The following SRGAP3 variants were observed in gnomAD, a reference collection of about 807,000 sequenced individuals.
SRGAP3 encodes the protein SLIT-ROBO Rho GTPase-activating protein 3.
A neutral mutation model predicts 121.1 loss-of-function variants in SRGAP3; 39 were observed. The ratio of observed to expected loss-of-function variants is 0.32; its 90% confidence interval spans 0.25 to 0.42. SRGAP3 has a LOEUF of 0.42. Among genes scored for constraint, SRGAP3 ranks in the 10% least tolerant of loss-of-function variants. The pLI, the probability that SRGAP3 is intolerant of heterozygous loss-of-function variation, is 1.00. For synonymous variants in SRGAP3, 601 were observed against 570.0 expected (o/e 1.05, Z -0.77); for missense variants, 1,213 against 1,470.6 (o/e 0.82, Z 2.86).
At chr3:9,311,967 C>T (rs1197533772) in intron 3 of SRGAP3, among the ~76,000 whole-genome samples, 1 of 152,224 alleles carries the variant, frequency 6.6e-6, no homozygotes, top group African/African-American at 2.4e-5. Context: ...AATGCATCCA[C>T]TTGCCAATGC....
In SRGAP3 at chr3:9,063,444, T is replaced by C. The variant is rs565995283; in HGVS notation, c.672+952A>G. ...ATGCCTGGCCCAGACAATCTTTTCA[T>C]GTACTTATTGGCCACTCATACATGT... On this transcript the variant is annotated intron_variant, in intron 5 of 21. Coordinates refer to ENST00000383836, the MANE Select transcript of SRGAP3 (RefSeq NM_014850.4). 8.1e-4 allele frequency among the ~76,000 whole-genome samples: 124 copies of C among 152,190 alleles called. 1 individual carries two copies. The highest frequency in any genetic ancestry group is 6.8e-3 in the Middle Eastern group (2 of 294).
chr3:9,137,834 TCCA>T (rs1399455369), intron 1 of SRGAP3, among the ~76,000 whole-genome samples: 1 of 152,174 alleles, frequency 6.6e-6, no homozygotes, highest in Non-Finnish European at 1.5e-5. Flanking sequence ...AGAAGCTGCC[TCCA>T]CACCTTCCAG....
chr3:8,988,392 A>G (rs1941848125), intron 21 of SRGAP3, among the ~76,000 whole-genome samples: 1 of 152,246 alleles, frequency 6.6e-6, no homozygotes, highest in Non-Finnish European at 1.5e-5. Flanking sequence ...ATCAGAGCCA[A>G]TGCTGAGGCT....
intron 3 of SRGAP3, among the ~76,000 whole-genome samples, chr3:9,097,000 T>C (rs1560139168): frequency 7.1e-6 from 1 of 141,456 alleles, no homozygotes; most frequent in Admixed American, 7.2e-5. Context: ...CACACATATA[T>C]ATATATTAGA....
At chr3:9,028,062 C>T (rs746841739) in intron 12 of SRGAP3, 13 of 1,613,260 alleles carry the variant, frequency 8.1e-6, no homozygotes, top group Admixed American at 3.3e-5. Context: ...CAGTTTCCAT[C>T]ACGGTGAATG....
At position 9,312,978 on chromosome 3, in the gene SRGAP3, C is replaced by T. The variant is rs183311090; in HGVS notation, n.442+13032G>A. On this transcript the variant is annotated intron_variant and non_coding_transcript_variant, in intron 3 of 3. Coordinates refer to the SRGAP3 transcript ENST00000490889. ...CTGCACTACGGCCTGGGTGACAGAG[C>T]GAGACTTTGTCTCTAAAAATAAATA... Among the ~76,000 whole-genome samples the T allele has an allele frequency of 9.2e-5, 14 of 152,116 alleles. 1 individual carries two copies. In the East Asian group the frequency reaches 2.1e-3, roughly 23 times the overall value.
At chr3:9,042,133 T>C (rs919876094) in intron 10 of SRGAP3, among the ~76,000 whole-genome samples, 1 of 147,430 alleles carries the variant, frequency 6.8e-6, no homozygotes, top group African/African-American at 2.5e-5. Flanking sequence ...GAGAGAGAAA[T>C]AAGTGAGATT....
Position 9,336,032 on chromosome 3 carries a change from T to C in SRGAP3, n.215-5436A>G, listed in dbSNP as rs187961046. ...GAAAAACACTGGGGAATTAGAACAT[T>C]AGGAAATAAACTCACTTTTTTCTCT... On this transcript the variant is annotated intron_variant and non_coding_transcript_variant, in intron 1 of 3. Transcript: ENST00000490889. Among the ~76,000 whole-genome samples, 922 of 151,318 alleles carry C rather than the reference T, an allele frequency of 6.1e-3. 7 individuals are homozygous for C. Among genetic ancestry groups the C allele is most frequent in the Non-Finnish European group, 0.01 (703 of 67,678 alleles).
intron 5 of SRGAP3, among the ~76,000 whole-genome samples, chr3:9,063,011 T>C (rs1946247552): frequency 6.6e-6 from 1 of 152,158 alleles, no homozygotes; most frequent in Admixed American, 6.5e-5. Context: ...ATCCACATTC[T>C]CACCAATACT....
chr3:9,102,871 T>G (rs1948273252), intron 3 of SRGAP3, among the ~76,000 whole-genome samples: 1 of 152,190 alleles, frequency 6.6e-6, no homozygotes, highest in South Asian at 2.1e-4. Flanking sequence ...CCTAAAGGCC[T>G]TGATGACCCT....
intron 18 of SRGAP3, among the ~76,000 whole-genome samples, chr3:8,996,559 G>A (rs1407112205): frequency 6.6e-6 from 1 of 152,246 alleles, no homozygotes; most frequent in African/African-American, 2.4e-5. Context: ...TGGGAGAGAA[G>A]GAAGGAGGGA....
chr3:9,061,217 A>T (rs1560042856), intron 5 of SRGAP3, among the ~76,000 whole-genome samples: 1 of 152,186 alleles, frequency 6.6e-6, no homozygotes, highest in Non-Finnish European at 1.5e-5. Context: ...TAGGTGACAG[A>T]GGGAGACTCC....
At chr3:9,000,128 T>C (rs1942664822) in intron 18 of SRGAP3, among the ~76,000 whole-genome samples, 1 of 152,200 alleles carries the variant, frequency 6.6e-6, no homozygotes. Context: ...GTCACAGGGC[T>C]TTCTTCCTGG....
intron 3 of SRGAP3, among the ~76,000 whole-genome samples, chr3:9,288,249 T>C (rs1186313402): frequency 6.7e-6 from 1 of 149,918 alleles, no homozygotes; most frequent in Non-Finnish European, 1.5e-5. Flanking sequence ...GTGATTATCC[T>C]GCCTCAGCCT....
chr3:9,010,032 T>C (rs1455617936), intron 18 of SRGAP3, among the ~76,000 whole-genome samples: 1 of 152,188 alleles, frequency 6.6e-6, no homozygotes, highest in Non-Finnish European at 1.5e-5. Flanking sequence ...GATTTGTACC[T>C]GGGCCAGGCA....
intron 1 of SRGAP3, among the ~76,000 whole-genome samples, chr3:9,245,520 G>C (rs1953788015): frequency 6.6e-6 from 1 of 152,186 alleles, no homozygotes; most frequent in African/African-American, 2.4e-5. Flanking sequence ...CACACACCCA[G>C]TGGGCAGTCC....
intron 3 of SRGAP3, among the ~76,000 whole-genome samples, chr3:9,086,636 C>T (rs940923300): frequency 7.3e-6 from 1 of 137,002 alleles, no homozygotes; most frequent in Non-Finnish European, 1.6e-5. Context: ...CATATATACA[C>T]CCACATATAC....
chr3:9,341,061 A>G (rs944676086), intron 1 of SRGAP3, among the ~76,000 whole-genome samples: 14 of 152,198 alleles, frequency 9.2e-5, no homozygotes, highest in Admixed American at 5.2e-4. Flanking sequence ...TGAGACAGAA[A>G]GAGAGAATGG....
chr3:9,282,085 C>T (rs370701281), intron 3 of SRGAP3, among the ~76,000 whole-genome samples: 6 of 152,146 alleles, frequency 3.9e-5, no homozygotes, highest in South Asian at 2.1e-4. Flanking sequence ...TGACATAAAC[C>T]GACCATTCAA....
Sources: allele counts gnomAD v4.1 joint callset (sites outside exome capture counted in the v4.1 genomes callset), GRCh38; gene constraint gnomAD v4.1.1; transcripts MANE v1.5; gene names NCBI Gene and HGNC (gene_info 2026-07-23, HGNC 2026-07-21).